The following TRPM3 variants were observed in gnomAD, a reference collection of about 807,000 sequenced individuals.
The protein encoded by TRPM3 is transient receptor potential cation channel subfamily M member 3.
TRPM3 carries 77 observed loss-of-function variants against 181.2 expected under a neutral mutation model. The observed-to-expected ratio is 0.42, with a 90% CI of 0.35 to 0.51. The LOEUF (loss-of-function observed/expected upper bound fraction) is 0.51, where lower values mean the gene tolerates loss of function less well. TRPM3 is among the 20% of genes least tolerant of loss of function. TRPM3 has a pLI of 0.01. For synonymous variants in TRPM3, 745 were observed against 796.4 expected (o/e 0.94, Z 1.09); for missense variants, 1,759 against 2,196.7 (o/e 0.80, Z 3.98).
intron 1 of TRPM3, among the ~76,000 whole-genome samples, chr9:71,111,868 A>C (rs2071190030): frequency 6.6e-6 from 1 of 152,158 alleles, no homozygotes; most frequent in South Asian, 2.1e-4. Flanking sequence ...TTAACCAACA[A>C]ACAGTAGCAT....
intron 1 of TRPM3, among the ~76,000 whole-genome samples, chr9:71,168,694 T>C (rs527801093): frequency 3.1e-4 from 46 of 149,634 alleles, no homozygotes; most frequent in African/African-American, 1.0e-3. Flanking sequence ...GATTACACTG[T>C]GTAACTGACA....
Position 71,287,826 on chromosome 9 carries a change from A to G in TRPM3, c.183+158827T>C, listed in dbSNP as rs1177784225. ...TTAGAGAGGCTAAGCAATGCGCCCG[A>G]TGTCACATACGCAGTAACAGCTGGA... On this transcript the variant is annotated intron_variant, in intron 1 of 24. Coordinates refer to the TRPM3 transcript ENST00000357533. Among the ~76,000 whole-genome samples the G allele has an allele frequency of 3.0e-4, 45 of 152,152 alleles. 1 individual carries two copies. Among genetic ancestry groups the G allele is most frequent in the Admixed American group, 3.0e-3 (45 of 15,252 alleles).
chr9:71,422,157 GT>G (rs1360464875), intron 1 of TRPM3, among the ~76,000 whole-genome samples: 2 of 152,024 alleles, frequency 1.3e-5, no homozygotes, highest in African/African-American at 4.8e-5. Context: ...ATTTAGAAGG[GT>G]AGAAGGAAAA....
chr9:71,177,608 C>G (rs1361243028), intron 1 of TRPM3, among the ~76,000 whole-genome samples: 1 of 152,106 alleles, frequency 6.6e-6, no homozygotes, highest in Admixed American at 6.6e-5. Flanking sequence ...TAAACAGAAT[C>G]TTGAGTCATT....
chr9:70,803,883 A>C (rs2089985654), intron 6 of TRPM3, among the ~76,000 whole-genome samples: 1 of 152,146 alleles, frequency 6.6e-6, no homozygotes, highest in Admixed American at 6.5e-5. Context: ...CTCCCACCTG[A>C]AAATAAGATA....
At chr9:70,784,402 AC>A in intron 6 of TRPM3, 123 bp from the exon 7 acceptor site, 1 of 1,081,332 alleles carries the variant, frequency 9.2e-7, no homozygotes, top group South Asian at 1.7e-5. Context: ...GGAGGTAGCA[AC>A]ATATGAAGGG....
At chr9:71,175,280 G>C (rs935206744) in intron 1 of TRPM3, among the ~76,000 whole-genome samples, 18 of 152,282 alleles carry the variant, frequency 1.2e-4, no homozygotes, top group Admixed American at 3.9e-4. Context: ...GACTGAATTT[G>C]TGTGAATCTG....
chr9:71,047,814 A>T (rs1425502512), intron 1 of TRPM3, among the ~76,000 whole-genome samples: 76 of 14,762 alleles, frequency 5.1e-3, no homozygotes, highest in African/African-American at 0.024. Flanking sequence ...GCTGCATCAC[A>T]CACACACACA....
intron 1 of TRPM3, among the ~76,000 whole-genome samples, chr9:70,957,231 T>C (rs754421309): frequency 1.3e-5 from 2 of 152,080 alleles, no homozygotes; most frequent in Non-Finnish European, 2.9e-5. Context: ...CCCAAAGTGT[T>C]GGGATTACAG....
At chr9:71,382,014 T>G (rs1442658237) in intron 1 of TRPM3, among the ~76,000 whole-genome samples, 1 of 152,152 alleles carries the variant, frequency 6.6e-6, no homozygotes, top group Non-Finnish European at 1.5e-5. Flanking sequence ...TATGCCAAGT[T>G]AGTGTATGAA....
intron 6 of TRPM3, 69 bp downstream of exon 6, chr9:70,827,778 T>C: frequency 6.5e-7 from 1 of 1,530,268 alleles, no homozygotes; most frequent in Non-Finnish European, 8.9e-7. Context: ...TGCTGCATGG[T>C]GTACTTAAAG....
intron 1 of TRPM3, among the ~76,000 whole-genome samples, chr9:71,398,749 G>A (rs2093262840): frequency 6.6e-6 from 1 of 151,978 alleles, no homozygotes; most frequent in African/African-American, 2.4e-5. Flanking sequence ...GTTCTTTATG[G>A]CAGTGTAAGA....
chr9:70,598,351 TC>T, intron 21 of TRPM3, 67 bp downstream of exon 21: 1 of 1,564,610 alleles, frequency 6.4e-7, no homozygotes, highest in South Asian at 1.2e-5. Context: ...ATGAATTATT[TC>T]CCTCTATCTA....
chr9:70,975,103 A>G (rs918444436), intron 1 of TRPM3, among the ~76,000 whole-genome samples: 6 of 152,024 alleles, frequency 3.9e-5, no homozygotes, highest in African/African-American at 1.4e-4. Flanking sequence ...TCCTGACCTC[A>G]GGTGATCTGC....
intron 1 of TRPM3, among the ~76,000 whole-genome samples, chr9:71,258,129 G>C (rs962297933): frequency 6.6e-6 from 1 of 152,140 alleles, no homozygotes; most frequent in Non-Finnish European, 1.5e-5. Context: ...AAACTTCATA[G>C]GCACATTTTC....
chr9:70,916,116 A>C (rs2096591776), intron 1 of TRPM3, among the ~76,000 whole-genome samples: 2 of 152,190 alleles, frequency 1.3e-5, no homozygotes, highest in Non-Finnish European at 2.9e-5. Context: ...AGGAAGAAAA[A>C]GCTTTCACCC....
chr9:71,276,940 A>C (rs1223132483), intron 1 of TRPM3, among the ~76,000 whole-genome samples: 1 of 152,204 alleles, frequency 6.6e-6, no homozygotes, highest in Non-Finnish European at 1.5e-5. Flanking sequence ...TGATATGCCC[A>C]TATCATGTAA....
At chr9:71,350,641 C>G (rs903744431) in intron 1 of TRPM3, among the ~76,000 whole-genome samples, 4 of 152,152 alleles carry the variant, frequency 2.6e-5, no homozygotes, top group African/African-American at 7.2e-5. Context: ...TATAATTGAC[C>G]AAGTCCAATG....
At chr9:70,598,700 G>A (rs753390631) in intron 20 of TRPM3, 30 bp from the exon 21 acceptor site, 46 of 1,600,316 alleles carry the variant, frequency 2.9e-5, no homozygotes, top group Non-Finnish European at 3.8e-5. Context: ...GCAGAGTTAG[G>A]TCTGGTTTCT....
Sources: gnomAD v4.1 joint callset for allele counts (sites outside exome capture counted in the v4.1 genomes callset) on GRCh38, gnomAD v4.1.1 for gene constraint, MANE v1.5 for transcripts, NCBI Gene and HGNC (gene_info 2026-07-23, HGNC 2026-07-21) for gene names.